Variants in FHIT observed in about 807,000 individuals in gnomAD.
FHIT encodes the protein fragile histidine triad diadenosine triphosphatase.
FHIT carries 19 observed loss-of-function variants against 17.9 expected under a neutral mutation model. The ratio of observed to expected loss-of-function variants is 1.06; its 90% CI spans 0.74 to 1.56. The LOEUF is 1.56. Ranked by LOEUF, FHIT falls within the 40% of genes most tolerant of loss-of-function variation. The probability of loss-of-function intolerance (pLI) is 0.00; values close to 1 mark genes in which losing one functional copy is unlikely to be tolerated. For synonymous variants in FHIT, 81 were observed against 69.7 expected (o/e 1.16, Z -0.81); for missense variants, 248 against 189.2 (o/e 1.31, Z -1.82).
At chr3:60,328,655 C>T (rs2106841120) in intron 5 of FHIT, among the ~76,000 whole-genome samples, 1 of 152,228 alleles carries the variant, frequency 6.6e-6, no homozygotes, top group East Asian at 1.9e-4. Flanking sequence ...ATCAATCATC[C>T]TACTGAGTAC....
intron 5 of FHIT, among the ~76,000 whole-genome samples, chr3:60,215,655 G>C (rs1307889913): frequency 6.6e-6 from 1 of 152,172 alleles, no homozygotes; most frequent in Admixed American, 6.5e-5. Context: ...ATATCAATGA[G>C]TCTGTCTAAT....
intron 3 of FHIT, among the ~76,000 whole-genome samples, chr3:60,904,937 T>TAAAAAA (rs34683848): frequency 7.6e-6 from 1 of 132,426 alleles, no homozygotes; most frequent in African/African-American, 2.9e-5. Context: ...AGACTTGGTC[T>TAAAAAA]AAAAAAAAAA....
chr3:60,547,362 C>A (rs151314222), intron 4 of FHIT, among the ~76,000 whole-genome samples: 12 of 151,870 alleles, frequency 7.9e-5, no homozygotes, highest in Admixed American at 7.9e-4. Context: ...GAGCATTAGC[C>A]AAGAAGGAAA....
chr3:59,957,247 T>C (rs1707449869), intron 7 of FHIT, among the ~76,000 whole-genome samples: 1 of 152,168 alleles, frequency 6.6e-6, no homozygotes, highest in African/African-American at 2.4e-5. Context: ...GTCTGGTGTA[T>C]GTATAAGAAG....
intron 5 of FHIT, among the ~76,000 whole-genome samples, chr3:60,288,957 C>CGTG (rs1707856318): frequency 6.6e-6 from 1 of 152,052 alleles, no homozygotes; most frequent in Admixed American, 6.5e-5. Context: ...CCAATGCCAC[C>CGTG]GTGGTCTTTT....
At chr3:60,336,540 G>C (rs1473812807) in intron 5 of FHIT, among the ~76,000 whole-genome samples, 1 of 152,140 alleles carries the variant, frequency 6.6e-6, no homozygotes, top group Non-Finnish European at 1.5e-5. Context: ...TTGTGCTCAA[G>C]AATCACCTCA....
intron 7 of FHIT, among the ~76,000 whole-genome samples, chr3:59,950,418 A>G (rs964305835): frequency 1.3e-5 from 2 of 152,162 alleles, no homozygotes; most frequent in African/African-American, 4.8e-5. Context: ...GGCACATGCC[A>G]GCCTTGGGCA....
chr3:60,761,693 T>G (rs1421751381), intron 4 of FHIT, among the ~76,000 whole-genome samples: 1 of 150,864 alleles, frequency 6.6e-6, no homozygotes. Flanking sequence ...CGGCTTTAAA[T>G]ACTTCAACTG....
intron 2 of FHIT, among the ~76,000 whole-genome samples, chr3:61,164,853 A>C (rs1314924632): frequency 6.6e-6 from 1 of 152,168 alleles, no homozygotes; most frequent in Non-Finnish European, 1.5e-5. Context: ...TATGTCTATG[A>C]GTACCCAACA....
At chr3:60,312,966 C>T (rs1234331426) in intron 5 of FHIT, among the ~76,000 whole-genome samples, 4 of 152,140 alleles carry the variant, frequency 2.6e-5, no homozygotes, top group Admixed American at 6.6e-5. Context: ...CGCATGAGAC[C>T]GAGTGCATCC....
chr3:59,908,991 T>C lies in FHIT; in HGVS notation c.348+13355A>G, dbSNP rs560603983. Among the ~76,000 whole-genome samples the C allele has an allele frequency of 2.0e-5, 3 of 152,090 alleles. No individual in the cohort carries two copies. The South Asian group carries it at 6.2e-4, about 32-fold the overall frequency. ...CAAATGGGAATATAAAACTGTAGAC[T>C]ATCACATCAGCACAACTGGCTAGTT... is the stretch of plus-strand genomic sequence containing the variant. On this transcript the variant is annotated intron_variant, in intron 8 of 9. Coordinates refer to ENST00000492590, the MANE Select transcript of FHIT (RefSeq NM_002012.4).
At chr3:60,173,892 T>TATATATATATATATAC (rs140089011) in intron 5 of FHIT, among the ~76,000 whole-genome samples, 1 of 69,354 alleles carries the variant, frequency 1.4e-5, no homozygotes, top group African/African-American at 7.0e-5. Context: ...CTAATATATA[T>TATATATATATATATAC]ATATATATAT....
At chr3:60,164,289 AG>A (rs1701061968) in intron 5 of FHIT, among the ~76,000 whole-genome samples, 1 of 152,200 alleles carries the variant, frequency 6.6e-6, no homozygotes, top group African/African-American at 2.4e-5. Flanking sequence ...CAGCACAAAC[AG>A]GTGTCAGAAT....
chr3:60,567,321 C>G (rs1455602617), intron 4 of FHIT, among the ~76,000 whole-genome samples: 1 of 151,800 alleles, frequency 6.6e-6, no homozygotes, highest in Non-Finnish European at 1.5e-5. Context: ...CTACAACCAT[C>G]TGATCTTTGA....
chr3:60,135,403 A>G (rs1699775981), intron 5 of FHIT, among the ~76,000 whole-genome samples: 1 of 152,124 alleles, frequency 6.6e-6, no homozygotes, highest in African/African-American at 2.4e-5. Flanking sequence ...CCCAGACTCT[A>G]TCCCTACACC....
chr3:60,618,923 G>A (rs1252361053), intron 4 of FHIT, among the ~76,000 whole-genome samples: 1 of 152,078 alleles, frequency 6.6e-6, no homozygotes, highest in Non-Finnish European at 1.5e-5. Context: ...AAACTGAAAA[G>A]CCAATGAAAC....
chr3:60,755,126 G>A (rs1559696899), intron 4 of FHIT, among the ~76,000 whole-genome samples: 1 of 152,084 alleles, frequency 6.6e-6, no homozygotes, highest in Non-Finnish European at 1.5e-5. Flanking sequence ...AATACCTCAA[G>A]GTCCATCTAC....
At chr3:60,725,307 C>A (rs2041895597) in intron 4 of FHIT, among the ~76,000 whole-genome samples, 1 of 152,136 alleles carries the variant, frequency 6.6e-6, no homozygotes, top group Non-Finnish European at 1.5e-5. Context: ...TCCAATTTAT[C>A]CATTTTTTTC....
chr3:60,823,637 C>G (rs2106779761), intron 3 of FHIT, among the ~76,000 whole-genome samples: 2 of 152,250 alleles, frequency 1.3e-5, no homozygotes, highest in Admixed American at 1.3e-4. Context: ...GAGCATGGCC[C>G]TGGTGACACT....
Sources: gnomAD v4.1 joint callset for allele counts (sites outside exome capture counted in the v4.1 genomes callset) on GRCh38, gnomAD v4.1.1 for gene constraint, MANE v1.5 for transcripts, NCBI Gene and HGNC (gene_info 2026-07-23, HGNC 2026-07-21) for gene names.